Variants in UTRN observed in about 807,000 individuals in gnomAD.
The protein encoded by UTRN is dystrophin-related protein 1.
In UTRN, 283 loss-of-function variants were observed where a neutral mutation model predicts 463.9. The ratio of observed to expected loss-of-function variants is 0.61; its 90% CI spans 0.55 to 0.67. The LOEUF is 0.67. Ranked by LOEUF, UTRN falls within the 30% of genes least tolerant of loss-of-function variation. The pLI is 0.00. For synonymous variants in UTRN, 1,442 were observed against 1,431.5 expected, an observed-to-expected ratio of 1.01 and a Z score of -0.17; for missense variants, 3,922 against 4,084.3, an observed-to-expected ratio of 0.96 and a Z score of 1.08.
At chr6:144,806,277 A>G (rs556747513) in intron 65 of UTRN, among the ~76,000 whole-genome samples, 4 of 152,250 alleles carry the variant, frequency 2.6e-5, no homozygotes, top group Non-Finnish European at 4.4e-5. Flanking sequence ...AAGTTACCCA[A>G]AACTGTTCTT....
chr6:144,516,266 T>A lies in UTRN; in HGVS notation c.5282T>A (p.Val1761Asp), dbSNP rs1414270048. ...CAGGAACCATTATACCAATGTTTGG[T>A]CACCACTGAAACATTTGAAACTGGT... Reference protein sequence around the residue: ...IAQEPLYQCLVTTETFETGVP... With the variant: ...IAQEPLYQCLDTTETFETGVP... Residue 1761 changes from valine (V) to aspartate (D), a missense_variant, in exon 38 of 75, where the codon GTC (valine) becomes GAC (aspartate). Around this residue, in one of 3 missense-constraint regions of UTRN, gnomAD observed 2,349 missense variants for 2,303.8 expected, o/e 1.02. Transcript: ENST00000367545. The A allele has an allele frequency of 6.2e-7, 1 of 1,613,782 alleles. No homozygotes were observed. The highest frequency in any genetic ancestry group is 2.2e-5 in the East Asian group (1 of 44,834).
intron 39 of UTRN, among the ~76,000 whole-genome samples, chr6:144,520,636 A>G (rs1401336340): frequency 2.0e-5 from 3 of 152,334 alleles, no homozygotes; most frequent in Admixed American, 6.5e-5. Flanking sequence ...GGAGGCAATA[A>G]TGCAGTCCTC....
intron 41 of UTRN, among the ~76,000 whole-genome samples, chr6:144,525,765 G>T (rs540856142): frequency 1.3e-5 from 2 of 151,622 alleles, no homozygotes; most frequent in Non-Finnish European, 1.5e-5. Context: ...TCCTTGAGGT[G>T]TGACTTTAGA....
intron 2 of UTRN, among the ~76,000 whole-genome samples, chr6:144,301,542 T>TC (rs1805253605): frequency 3.1e-5 from 4 of 127,184 alleles, no homozygotes; most frequent in African/African-American, 1.5e-4. Flanking sequence ...CTTTCTTTTT[T>TC]TTTTTTTTTT....
chr6:144,569,322 A>G (rs1224078909), intron 50 of UTRN, among the ~76,000 whole-genome samples: 3 of 152,090 alleles, frequency 2.0e-5, no homozygotes, highest in Non-Finnish European at 4.4e-5. Flanking sequence ...GACTTTTAGT[A>G]TAGTCATTAT....
intron 45 of UTRN, among the ~76,000 whole-genome samples, chr6:144,542,576 A>G (rs1038522338): frequency 6.6e-6 from 1 of 152,210 alleles, no homozygotes; most frequent in Admixed American, 6.5e-5. Context: ...CACAGGGGTC[A>G]GGACAGCTAA....
At chr6:144,732,214 TTATATATATATA>T in intron 54 of UTRN, among the ~76,000 whole-genome samples, 2 of 92,304 alleles carry the variant, frequency 2.2e-5, no homozygotes, top group Non-Finnish European at 4.0e-5. Flanking sequence ...GTACTCTGTT[TTATATATATATA>T]TATATATATA....
chr6:144,433,074 C>A (rs1036635896), intron 9 of UTRN, among the ~76,000 whole-genome samples: 8 of 152,306 alleles, frequency 5.3e-5, no homozygotes, highest in Middle Eastern at 6.8e-3. Context: ...AAAAGTCTCC[C>A]ATGTCTCCTT....
At chr6:144,344,920 G>C (rs1179656155) in intron 2 of UTRN, among the ~76,000 whole-genome samples, 1 of 152,096 alleles carries the variant, frequency 6.6e-6, no homozygotes, top group Admixed American at 6.6e-5. Context: ...TTTACTTCCG[G>C]GGTGACTTAG....
intron 2 of UTRN, among the ~76,000 whole-genome samples, chr6:144,304,772 A>G (rs988987025): frequency 6.6e-6 from 1 of 152,174 alleles, no homozygotes; most frequent in Non-Finnish European, 1.5e-5. Flanking sequence ...TCCTAAGCAT[A>G]ATGGTGAATC....
chr6:144,521,946 TATATATA>T (rs994430815), intron 39 of UTRN, 27 bp from the exon 40 acceptor site: 1 of 1,189,046 alleles, frequency 8.4e-7, no homozygotes, highest in Non-Finnish European at 1.1e-6. Context: ...GATATATATA[TATATATA>T]TATTTTTTTT....
At chr6:144,477,533 T>TACAC (rs10651559) in intron 25 of UTRN, among the ~76,000 whole-genome samples, 5,296 of 146,812 alleles carry the variant, frequency 0.036, 119 homozygotes, top group African/African-American at 0.068. Context: ...TTTCTCTTTA[T>TACAC]ACACACACAC....
At chr6:144,711,083 C>G (rs539214905) in intron 53 of UTRN, among the ~76,000 whole-genome samples, 1 of 152,066 alleles carries the variant, frequency 6.6e-6, no homozygotes, top group African/African-American at 2.4e-5. Flanking sequence ...TTTGGGAAGC[C>G]GAGGCGGGTG....
chr6:144,408,171 T>C (rs931568110), intron 3 of UTRN, among the ~76,000 whole-genome samples: 9 of 152,218 alleles, frequency 5.9e-5, no homozygotes, highest in African/African-American at 1.9e-4. Flanking sequence ...TCTGTGATAG[T>C]CCTGATCTGT....
At chr6:144,766,802 GTGTT>G (rs1349079978) in intron 58 of UTRN, among the ~76,000 whole-genome samples, 1 of 152,054 alleles carries the variant, frequency 6.6e-6, no homozygotes, top group Non-Finnish European at 1.5e-5. Context: ...GTGTGTGTGT[GTGTT>G]TAAGGATGGC....
chr6:144,745,031 A>G lies in UTRN; in HGVS notation c.7940-3215A>G, dbSNP rs9399496. On this transcript the variant is annotated intron_variant, in intron 54 of 74. Coordinates refer to ENST00000367545, the MANE Select transcript of UTRN (RefSeq NM_007124.3). ...GCCAGACCTTACGCTGACCAGGGAA[A>G]TCACTACCTTTTGGGGGAGGGTTCC... 3.3e-3 allele frequency among the ~76,000 whole-genome samples: 504 copies of G among 152,278 alleles called. 18 individuals are homozygous for G. In the East Asian group the frequency reaches 0.078, roughly 24 times the overall value.
At chr6:144,412,271 T>G (rs1202454171) in intron 3 of UTRN, among the ~76,000 whole-genome samples, 1 of 152,168 alleles carries the variant, frequency 6.6e-6, no homozygotes, top group African/African-American at 2.4e-5. Flanking sequence ...CAAAGAAAAT[T>G]GTTCAAACTA....
chr6:144,352,863 G>C (rs887467774), intron 2 of UTRN, among the ~76,000 whole-genome samples: 3 of 152,030 alleles, frequency 2.0e-5, no homozygotes, highest in African/African-American at 7.2e-5. Flanking sequence ...TATCATATTG[G>C]GTTTGTGTTA....
chr6:144,461,279 C>T lies in UTRN; in HGVS notation c.2790C>T (p.Ala930=). Residue 930 remains alanine, a synonymous_variant, in exon 22 of 75, where the codon GCC becomes GCT. Transcript: ENST00000367545. ...KDVLNDSENK[A]QVSLNVLNDL... is the part of the protein sequence containing the mutation. ...TGCTAAATGATTCAGAAAATAAGGCCCAGGTGTCTCTGAATGTCCTTAATG... is the reference window on the plus strand; with the variant it reads ...TGCTAAATGATTCAGAAAATAAGGCTCAGGTGTCTCTGAATGTCCTTAATG... 6.2e-7 allele frequency: 1 copy of T among 1,605,680 alleles called. No individual in the cohort carries two copies. Among genetic ancestry groups the T allele is most frequent in the South Asian group, 1.1e-5 (1 of 89,622 alleles).
Sources: allele counts gnomAD v4.1 joint callset (sites outside exome capture counted in the v4.1 genomes callset), GRCh38; gene constraint gnomAD v4.1.1; regional missense constraint gnomAD v4.1.1; transcripts MANE v1.5; gene names NCBI Gene and HGNC (gene_info 2026-07-23, HGNC 2026-07-21).